The following GALNT14 variants were observed in gnomAD, a reference collection of about 807,000 sequenced individuals.
GALNT14 encodes the protein UDP-GalNAc:polypeptide N-acetylgalactosaminyltransferase 14.
A neutral mutation model predicts 77.5 loss-of-function variants in GALNT14; 60 were observed. The observed-to-expected ratio is 0.77, with a 90% confidence interval of 0.63 to 0.96. GALNT14 has a LOEUF of 0.96. Ranked by LOEUF, GALNT14 falls within the 40% of genes least tolerant of loss-of-function variation. The pLI is 0.00. For missense variants in GALNT14, 710 were observed against 731.0 expected (o/e 0.97, Z 0.33); for synonymous variants, 280 against 281.7 (o/e 0.99, Z 0.06).
chr2:31,058,309 G>A (rs1674365485), intron 1 of GALNT14, among the ~76,000 whole-genome samples: 1 of 152,226 alleles, frequency 6.6e-6, no homozygotes, highest in African/African-American at 2.4e-5. Context: ...CCAGCGGGCT[G>A]GGCTGGGCGA....
intron 3 of GALNT14, among the ~76,000 whole-genome samples, chr2:30,962,926 G>A (rs1667780517): frequency 6.6e-6 from 1 of 152,290 alleles, no homozygotes; most frequent in South Asian, 2.1e-4. Context: ...TGAAAGGGAG[G>A]TATAGAATCT....
intron 1 of GALNT14, among the ~76,000 whole-genome samples, chr2:31,130,559 C>T (rs904833701): frequency 6.6e-6 from 1 of 152,000 alleles, no homozygotes; most frequent in Non-Finnish European, 1.5e-5. Flanking sequence ...AGAGATGTCC[C>T]CTCCTCTATC....
intron 8 of GALNT14, among the ~76,000 whole-genome samples, chr2:30,943,422 T>C (rs1666499580): frequency 1.3e-5 from 2 of 152,196 alleles, no homozygotes; most frequent in Admixed American, 6.5e-5. Context: ...AAAGAAGTAA[T>C]TGATGGACAG....
intron 1 of GALNT14, among the ~76,000 whole-genome samples, chr2:31,094,384 C>T (rs956757731): frequency 6.6e-6 from 1 of 152,220 alleles, no homozygotes; most frequent in African/African-American, 2.4e-5. Flanking sequence ...CACCAGCACC[C>T]AGGTGATTAA....
chr2:30,924,619 A>C (rs1409304004), intron 12 of GALNT14, 121 bp downstream of exon 12: 5 of 761,840 alleles, frequency 6.6e-6, no homozygotes, highest in African/African-American at 1.7e-5. Flanking sequence ...TGGTCTTCTT[A>C]CACCTCTGAT....
chr2:30,919,672 C>A (rs1007259092), intron 13 of GALNT14, among the ~76,000 whole-genome samples: 5 of 152,218 alleles, frequency 3.3e-5, no homozygotes, highest in Non-Finnish European at 5.9e-5. Flanking sequence ...TGCTTCTTCG[C>A]CTTTGAGCGT....
chr2:30,924,145 C>T lies in GALNT14; in HGVS notation c.1354G>A (p.Val452Ile), dbSNP rs763395635. 1.2e-6 allele frequency: 2 copies of T among 1,614,246 alleles called. No homozygotes were observed. The highest frequency in any genetic ancestry group is 1.7e-6 in the Non-Finnish European group (2 of 1,180,042). The change falls in exon 13 of 15, where the codon GTC (valine) becomes ATC (isoleucine). Residue 452 changes from valine (V) to isoleucine (I), a missense_variant. Physicochemically the swap from Val to Ile is conservative, Grantham distance 29 (BLOSUM62 3). Coordinates refer to ENST00000349752, the MANE Select transcript of GALNT14 (RefSeq NM_024572.4). ...TGGGACTTTGCATCTTCGCCTTTGA[C>T]CTTGGCACAGGGGCTCAACTTTAGG... ...PNLKLSPCAKVKGEDAKSQVW... is the reference protein window; with the variant it reads ...PNLKLSPCAKIKGEDAKSQVW...
intron 2 of GALNT14, among the ~76,000 whole-genome samples, chr2:30,978,084 T>C (rs946770668): frequency 2.0e-5 from 3 of 152,198 alleles, no homozygotes; most frequent in Non-Finnish European, 2.9e-5. Flanking sequence ...TCCACCCTCG[T>C]GTTAGCTCTT....
intron 1 of GALNT14, among the ~76,000 whole-genome samples, chr2:31,023,311 T>C (rs1399665376): frequency 6.6e-6 from 1 of 152,176 alleles, no homozygotes; most frequent in Non-Finnish European, 1.5e-5. Context: ...TGGATGGCCT[T>C]CATCACCCAT....
At chr2:31,011,333 C>T (rs1322502573) in intron 1 of GALNT14, among the ~76,000 whole-genome samples, 2 of 152,336 alleles carry the variant, frequency 1.3e-5, no homozygotes, top group East Asian at 1.9e-4. Flanking sequence ...GTGAAGACAA[C>T]GTTGTATGTC....
At chr2:30,933,360 G>A (rs1665860362) in intron 9 of GALNT14, among the ~76,000 whole-genome samples, 1 of 152,140 alleles carries the variant, frequency 6.6e-6, no homozygotes, top group Non-Finnish European at 1.5e-5. Context: ...CCCATGTGAG[G>A]AGCCATGGGG....
At chr2:31,099,851 T>C (rs984036424) in intron 1 of GALNT14, among the ~76,000 whole-genome samples, 4 of 151,976 alleles carry the variant, frequency 2.6e-5, no homozygotes, top group African/African-American at 9.7e-5. Context: ...TTTTTCAGAA[T>C]TTTTCTATTT....
chr2:31,032,714 T>A (rs2148482882), intron 1 of GALNT14, among the ~76,000 whole-genome samples: 1 of 152,200 alleles, frequency 6.6e-6, no homozygotes, highest in Non-Finnish European at 1.5e-5. Context: ...TCTGCACAAC[T>A]CCATAGCATT....
At chr2:31,063,259 G>C (rs1464167511) in intron 1 of GALNT14, among the ~76,000 whole-genome samples, 1 of 152,204 alleles carries the variant, frequency 6.6e-6, no homozygotes, top group Non-Finnish European at 1.5e-5. Flanking sequence ...AAGGGGTCCA[G>C]TTTCTGTTTT....
intron 1 of GALNT14, among the ~76,000 whole-genome samples, chr2:31,088,098 T>C (rs1467601030): frequency 6.6e-6 from 1 of 152,090 alleles, no homozygotes; most frequent in Non-Finnish European, 1.5e-5. Flanking sequence ...ATCCACCCAG[T>C]CTATGGTATT....
intron 1 of GALNT14, among the ~76,000 whole-genome samples, chr2:30,996,104 A>T (rs1670014488): frequency 6.6e-6 from 1 of 152,182 alleles, no homozygotes; most frequent in African/African-American, 2.4e-5. Context: ...ACTGATTCAA[A>T]TGTTCATCTC....
chr2:30,893,930 G>A, the GALNT14 span, among the ~76,000 whole-genome samples: 1 of 152,020 alleles, frequency 6.6e-6, no homozygotes, highest in African/African-American at 2.4e-5. Context: ...AAGACAATTT[G>A]AAAAATATGT....
chr2:30,908,317 G>C (rs902670042), downstream of GALNT14, among the ~76,000 whole-genome samples: 13 of 152,286 alleles, frequency 8.5e-5, no homozygotes, highest in Admixed American at 4.6e-4. Flanking sequence ...AAACCCCATT[G>C]TCTCAGCCCA....
chr2:31,076,792 A>G (rs1423205131), intron 1 of GALNT14, among the ~76,000 whole-genome samples: 3 of 152,160 alleles, frequency 2.0e-5, no homozygotes, highest in Non-Finnish European at 4.4e-5. Context: ...AAACTGGAAC[A>G]CTTTTAAGAA....
Sources: gnomAD v4.1 joint callset for allele counts (sites outside exome capture counted in the v4.1 genomes callset) on GRCh38, gnomAD v4.1.1 for gene constraint, MANE v1.5 for transcripts, NCBI Gene and HGNC (gene_info 2026-07-23, HGNC 2026-07-21) for gene names.